The following OPCML variants were observed in gnomAD, a reference collection of about 807,000 sequenced individuals.
OPCML encodes the protein opioid-binding protein/cell adhesion molecule.
Under a neutral mutation model 37.8 loss-of-function variants are expected in OPCML, and 13 were observed. The ratio of observed to expected loss-of-function variants is 0.34; its 90% CI spans 0.22 to 0.55. OPCML has a LOEUF of 0.55. Among genes scored for constraint, OPCML ranks in the 20% least tolerant of loss-of-function variants. The pLI is 0.91. For synonymous variants in OPCML, 176 were observed against 168.8 expected (o/e 1.04, Z -0.33); for missense variants, 341 against 435.6 (o/e 0.78, Z 1.93).
intron 1 of OPCML, among the ~76,000 whole-genome samples, chr11:133,075,791 G>A (rs1018348845): frequency 6.6e-6 from 1 of 152,202 alleles, no homozygotes; most frequent in African/African-American, 2.4e-5. Context: ...CCCAGGCCTA[G>A]GGGACCTTGG....
At chr11:133,418,238 A>T in intron 1 of OPCML, 1 of 985,386 alleles carries the variant, frequency 1.0e-6, no homozygotes, top group Non-Finnish European at 1.2e-6. Context: ...TCTAGTTTTT[A>T]AGAAGGCCAA....
At chr11:132,938,476 A>T (rs12284012) in intron 2 of OPCML, among the ~76,000 whole-genome samples, 3,073 of 152,328 alleles carry the variant, frequency 0.02, 51 homozygotes, top group Middle Eastern at 0.051. Context: ...AACTGAAAAA[A>T]ATGTGTGAGT....
chr11:133,501,087 G>A (rs1947901300), intron 1 of OPCML, among the ~76,000 whole-genome samples: 1 of 152,112 alleles, frequency 6.6e-6, no homozygotes, highest in African/African-American at 2.4e-5. Context: ...ATGCTGGGGA[G>A]CTCCAATCTC....
intron 1 of OPCML, among the ~76,000 whole-genome samples, chr11:133,047,879 T>C (rs960555288): frequency 3.3e-5 from 5 of 152,196 alleles, no homozygotes; most frequent in Non-Finnish European, 7.3e-5. Flanking sequence ...CCCTGGGAGA[T>C]GTTAGCCAGG....
chr11:133,002,942 C>T (rs1947036508), intron 1 of OPCML, among the ~76,000 whole-genome samples: 1 of 152,136 alleles, frequency 6.6e-6, no homozygotes, highest in Admixed American at 6.5e-5. Context: ...AATTGTAGTT[C>T]TCTTTTTCAT....
At chr11:132,917,339 T>C (rs1020772556) in intron 2 of OPCML, among the ~76,000 whole-genome samples, 4 of 152,232 alleles carry the variant, frequency 2.6e-5, no homozygotes, top group Admixed American at 6.5e-5. Flanking sequence ...TATTGTTCTC[T>C]ATGTTAATTA....
intron 1 of OPCML, among the ~76,000 whole-genome samples, chr11:133,443,772 A>C (rs1321093598): frequency 6.6e-6 from 1 of 152,126 alleles, no homozygotes; most frequent in East Asian, 1.9e-4. Context: ...ACCTGTAAAA[A>C]AGTCAGTATT....
chr11:132,510,157 A>G (rs943774015), intron 4 of OPCML, among the ~76,000 whole-genome samples: 13 of 152,192 alleles, frequency 8.5e-5, no homozygotes, highest in South Asian at 2.1e-4. Flanking sequence ...TTGGACTTGC[A>G]TGGTCCCTGT....
At chr11:133,229,002 T>C (rs991156676) in intron 1 of OPCML, among the ~76,000 whole-genome samples, 2 of 152,220 alleles carry the variant, frequency 1.3e-5, no homozygotes, top group Non-Finnish European at 2.9e-5. Flanking sequence ...CTGCACCTTG[T>C]GCTCAGGCCT....
chr11:133,109,321 G>A (rs1368681141), intron 1 of OPCML, among the ~76,000 whole-genome samples: 1 of 152,144 alleles, frequency 6.6e-6, no homozygotes, highest in Non-Finnish European at 1.5e-5. Context: ...CCACAGCATG[G>A]AAGAGGACTG....
At chr11:133,233,071 T>C (rs1296378621) in intron 1 of OPCML, among the ~76,000 whole-genome samples, 2 of 152,172 alleles carry the variant, frequency 1.3e-5, no homozygotes, top group South Asian at 4.1e-4. Context: ...CAGTGGGCAA[T>C]ACTTAACCTG....
chr11:133,193,893 C>T (rs1054869436), intron 1 of OPCML, among the ~76,000 whole-genome samples: 3 of 152,022 alleles, frequency 2.0e-5, no homozygotes, highest in Non-Finnish European at 4.4e-5. Flanking sequence ...AATCAATGTC[C>T]TATATGCCCC....
At chr11:132,585,060 G>A (rs2096469674) in intron 3 of OPCML, among the ~76,000 whole-genome samples, 1 of 152,134 alleles carries the variant, frequency 6.6e-6, no homozygotes, top group Non-Finnish European at 1.5e-5. Flanking sequence ...GGTTCACTAT[G>A]TATGGAGACA....
chr11:132,927,096 C>T (rs972393441), intron 2 of OPCML, among the ~76,000 whole-genome samples: 7 of 151,512 alleles, frequency 4.6e-5, no homozygotes, highest in African/African-American at 7.3e-5. Context: ...ATGAGAGTTC[C>T]GGGAAAAGAA....
chr11:133,153,717 C>T (rs1344283186), intron 1 of OPCML, among the ~76,000 whole-genome samples: 1 of 152,136 alleles, frequency 6.6e-6, no homozygotes, highest in Non-Finnish European at 1.5e-5. Context: ...ACTTTCCCAT[C>T]TCCTTATTCT....
chr11:132,909,213 C>A (rs1156336489), intron 2 of OPCML, among the ~76,000 whole-genome samples: 2 of 152,070 alleles, frequency 1.3e-5, no homozygotes, highest in African/African-American at 4.8e-5. Context: ...TCTCACACAT[C>A]CACACTTTAA....
chr11:132,998,804 A>G (rs746417815), intron 1 of OPCML, among the ~76,000 whole-genome samples: 76 of 152,202 alleles, frequency 5.0e-4, no homozygotes, highest in Admixed American at 2.3e-3. Context: ...ACAAAATGCC[A>G]TCTATGAACC....
intron 3 of OPCML, among the ~76,000 whole-genome samples, chr11:132,655,958 C>CTGT (rs1034545133): frequency 1.4e-5 from 2 of 144,792 alleles, no homozygotes; most frequent in Middle Eastern, 3.4e-3. Flanking sequence ...AAAAAAAATT[C>CTGT]TGTTGGATCT....
rs1162070262 is a variant in OPCML, at chr11:132,479,625, G to C, written c.506-42266C>G. On this transcript the variant is annotated intron_variant, in intron 4 of 7. Coordinates refer to ENST00000524381, the MANE Select transcript of OPCML (RefSeq NM_001012393.5). Reference sequence around the variant, plus strand: ...AACCTCTGCAGACTTAAATGTCCCTGTCTGACAGCTTTGAAGAGAGCAGTG... The same window carrying C: ...AACCTCTGCAGACTTAAATGTCCCTCTCTGACAGCTTTGAAGAGAGCAGTG... Among the ~76,000 whole-genome samples the C allele has an allele frequency of 2.6e-5, 4 of 152,344 alleles. No individual in the cohort carries two copies. The South Asian group carries it at 8.3e-4, about 32-fold the overall frequency.
Sources: gnomAD v4.1 joint callset for allele counts (sites outside exome capture counted in the v4.1 genomes callset) on GRCh38, gnomAD v4.1.1 for gene constraint, MANE v1.5 for transcripts, NCBI Gene and HGNC (gene_info 2026-07-23, HGNC 2026-07-21) for gene names.